Variants in ASTN2 observed in about 807,000 individuals in gnomAD.
ASTN2 encodes the protein astrotactin-2.
In ASTN2, 54 loss-of-function variants were observed where a neutral mutation model predicts 139.8. The observed-to-expected ratio is 0.39, with a 90% CI of 0.31 to 0.48. The LOEUF (loss-of-function observed/expected upper bound fraction) is 0.48. ASTN2 is among the 20% of genes least tolerant of loss of function. The pLI is 0.95. For synonymous variants in ASTN2, 756 were observed against 719.5 expected, an observed-to-expected ratio of 1.05 and a Z score of -0.81; for missense variants, 1,565 against 1,725.1, an observed-to-expected ratio of 0.91 and a Z score of 1.64.
At chr9:117,283,598 T>G (rs540620283) in intron 2 of ASTN2, among the ~76,000 whole-genome samples, 1 of 152,354 alleles carries the variant, frequency 6.6e-6, no homozygotes, top group East Asian at 1.9e-4. Context: ...CATAAGATCA[T>G]GGAGCATATT....
intron 11 of ASTN2, among the ~76,000 whole-genome samples, chr9:116,849,233 C>G (rs775131945): frequency 1.3e-5 from 2 of 152,160 alleles, no homozygotes; most frequent in Non-Finnish European, 2.9e-5. Flanking sequence ...CACTTCAATA[C>G]TTAGACAGCA....
chr9:117,033,815 C>A (rs566562175), intron 6 of ASTN2, among the ~76,000 whole-genome samples: 2 of 152,000 alleles, frequency 1.3e-5, no homozygotes, highest in Non-Finnish European at 2.9e-5. Flanking sequence ...TTTTCACGTA[C>A]GCAAAATGAG....
chr9:117,226,503 G>C (rs1364894791), intron 2 of ASTN2, among the ~76,000 whole-genome samples: 1 of 152,178 alleles, frequency 6.6e-6, no homozygotes, highest in Non-Finnish European at 1.5e-5. Context: ...TATTGAGAAA[G>C]AAACCAGGCA....
At chr9:117,081,279 C>T (rs1287791217) in intron 5 of ASTN2, among the ~76,000 whole-genome samples, 9 of 152,166 alleles carry the variant, frequency 5.9e-5, no homozygotes, top group Admixed American at 2.0e-4. Context: ...GTTTTCTTCA[C>T]GTGGAGCACT....
At chr9:116,601,264 T>C (rs1362783144) in intron 19 of ASTN2, among the ~76,000 whole-genome samples, 2 of 152,200 alleles carry the variant, frequency 1.3e-5, no homozygotes, top group African/African-American at 4.8e-5. Flanking sequence ...TCAAACCTTG[T>C]ACGATGTGTC....
chr9:117,220,826 C>T (rs999508416), intron 2 of ASTN2, among the ~76,000 whole-genome samples: 2 of 152,182 alleles, frequency 1.3e-5, no homozygotes, highest in Non-Finnish European at 2.9e-5. Flanking sequence ...TAAGGCACTG[C>T]CCTTGACCTC....
chr9:117,016,610 CTA>C (rs1837689372), intron 6 of ASTN2, among the ~76,000 whole-genome samples: 2 of 22,420 alleles, frequency 8.9e-5, no homozygotes, highest in African/African-American at 3.0e-4. Context: ...ATATCTATAT[CTA>C]TATCTATCTA....
At chr9:117,240,686 C>T (rs375652519) in intron 2 of ASTN2, among the ~76,000 whole-genome samples, 1 of 152,174 alleles carries the variant, frequency 6.6e-6, no homozygotes, top group African/African-American at 2.4e-5. Flanking sequence ...CTTCCTCTGT[C>T]TTCAGCTATG....
At chr9:116,959,749 C>T (rs1835824883) in intron 10 of ASTN2, among the ~76,000 whole-genome samples, 1 of 152,070 alleles carries the variant, frequency 6.6e-6, no homozygotes, top group Admixed American at 6.5e-5. Flanking sequence ...AAGAAAACAC[C>T]TTCCCATGCA....
intron 13 of ASTN2, among the ~76,000 whole-genome samples, chr9:116,780,785 A>G (rs980940955): frequency 1.3e-5 from 2 of 152,144 alleles, no homozygotes; most frequent in African/African-American, 4.8e-5. Flanking sequence ...GGCCTGTCAT[A>G]GCATAGTTGA....
At chr9:116,707,499 G>T (rs1228310024) in intron 16 of ASTN2, among the ~76,000 whole-genome samples, 2 of 151,784 alleles carry the variant, frequency 1.3e-5, no homozygotes, top group African/African-American at 4.8e-5. Context: ...AGGATCGAGA[G>T]GACCTTCCCT....
chr9:116,544,987 TG>T (rs1463714797), intron 19 of ASTN2, among the ~76,000 whole-genome samples: 2 of 152,228 alleles, frequency 1.3e-5, no homozygotes, highest in African/African-American at 4.8e-5. Context: ...CCCAGCTACC[TG>T]CTCCCCTGTA....
At chr9:117,380,706 T>C (rs1830247902) in intron 1 of ASTN2, among the ~76,000 whole-genome samples, 1 of 151,922 alleles carries the variant, frequency 6.6e-6, no homozygotes, top group Non-Finnish European at 1.5e-5. Context: ...TAGGTAAGCA[T>C]GAACTAGGCA....
At chr9:117,072,709 A>G (rs1828167796) in intron 5 of ASTN2, among the ~76,000 whole-genome samples, 2 of 152,242 alleles carry the variant, frequency 1.3e-5, no homozygotes, top group South Asian at 4.1e-4. Context: ...ATCATGACAC[A>G]AAGTCCAACT....
intron 16 of ASTN2, among the ~76,000 whole-genome samples, chr9:116,695,631 CT>C (rs1860807809): frequency 1.3e-5 from 2 of 152,194 alleles, no homozygotes; most frequent in African/African-American, 4.8e-5. Context: ...GGTTGACCAT[CT>C]GCAGATCACA....
intron 12 of ASTN2, among the ~76,000 whole-genome samples, chr9:116,814,751 T>A (rs780052326): frequency 6.6e-6 from 1 of 152,188 alleles, no homozygotes; most frequent in African/African-American, 2.4e-5. Context: ...GGAGTGCAGA[T>A]TTTTCCACAT....
At chr9:117,246,628 A>G (rs1446729186) in intron 2 of ASTN2, among the ~76,000 whole-genome samples, 1 of 152,218 alleles carries the variant, frequency 6.6e-6, no homozygotes, top group Non-Finnish European at 1.5e-5. Flanking sequence ...CGGATTTCCC[A>G]TCCCTAAATT....
chr9:116,598,019 G>A (rs1207104735), intron 19 of ASTN2, among the ~76,000 whole-genome samples: 3 of 152,130 alleles, frequency 2.0e-5, no homozygotes, highest in Non-Finnish European at 4.4e-5. Context: ...TTCATTGTTG[G>A]TTAATAACCA....
At chr9:117,356,369 G>C (rs1199422093) in intron 1 of ASTN2, among the ~76,000 whole-genome samples, 2 of 152,196 alleles carry the variant, frequency 1.3e-5, no homozygotes, top group Non-Finnish European at 2.9e-5. Context: ...CATATGTGGT[G>C]AGATTATTAT....
Sources: gnomAD v4.1 joint callset for allele counts (sites outside exome capture counted in the v4.1 genomes callset) on GRCh38, gnomAD v4.1.1 for gene constraint, MANE v1.5 for transcripts, NCBI Gene and HGNC (gene_info 2026-07-23, HGNC 2026-07-21) for gene names.